LIN28B: variants seen among roughly 807,000 people sequenced by gnomAD.
LIN28B encodes the protein lin-28 RNA binding posttranscriptional regulator B, also known as protein lin-28 homolog B.
A neutral mutation model predicts 21.9 loss-of-function variants in LIN28B; 5 were observed. That is an observed-to-expected ratio of 0.23 (90% confidence interval 0.12 to 0.48). The LOEUF is 0.48. Among genes scored for constraint, LIN28B ranks in the 20% least tolerant of loss-of-function variants. LIN28B has a pLI of 0.98. For missense variants in LIN28B, 245 were observed against 310.5 expected, an observed-to-expected ratio of 0.79 and a Z score of 1.58; for synonymous variants, 109 against 111.3, an observed-to-expected ratio of 0.98 and a Z score of 0.13.
intron 2 of LIN28B, among the ~76,000 whole-genome samples, chr6:104,998,716 T>C (rs1450052271): frequency 6.6e-6 from 1 of 152,186 alleles, no homozygotes; most frequent in Non-Finnish European, 1.5e-5. Context: ...TGAAATATTT[T>C]ATTCCAAATA....
chr6:105,001,142 A>G (rs1770711172), intron 2 of LIN28B, among the ~76,000 whole-genome samples: 1 of 152,202 alleles, frequency 6.6e-6, no homozygotes, highest in African/African-American at 2.4e-5. Flanking sequence ...GGTTGATCAG[A>G]TGCCCTTTCT....
chr6:105,001,473 A>C (rs1770719363), intron 2 of LIN28B, among the ~76,000 whole-genome samples: 1 of 152,240 alleles, frequency 6.6e-6, no homozygotes, highest in Non-Finnish European at 1.5e-5. Flanking sequence ...AGAAATCAAG[A>C]GTGCATTTGG....
At chr6:104,944,323 A>T (rs902607211) in intron 2 of LIN28B, among the ~76,000 whole-genome samples, 1 of 151,984 alleles carries the variant, frequency 6.6e-6, no homozygotes, top group African/African-American at 2.4e-5. Context: ...GATTTTAAAA[A>T]CCCGTTTAAG....
At chr6:104,998,153 C>A (rs751276079) in intron 2 of LIN28B, among the ~76,000 whole-genome samples, 26 of 152,130 alleles carry the variant, frequency 1.7e-4, no homozygotes, top group Non-Finnish European at 3.2e-4. Context: ...ATACCTAATT[C>A]AAGACCCATG....
chr6:105,031,845 A>T (rs545632742), intron 3 of LIN28B, among the ~76,000 whole-genome samples: 3 of 152,122 alleles, frequency 2.0e-5, no homozygotes, highest in Non-Finnish European at 2.9e-5. Context: ...ATGAATTTTA[A>T]CACACATATA....
intron 3 of LIN28B, among the ~76,000 whole-genome samples, chr6:104,951,551 A>G (rs1244773433): frequency 6.6e-6 from 1 of 151,850 alleles, no homozygotes; most frequent in African/African-American, 2.4e-5. Context: ...TCCCCTTATT[A>G]TCGACTGTGG....
intron 2 of LIN28B, among the ~76,000 whole-genome samples, chr6:104,984,108 C>T (rs1042702487): frequency 1.3e-5 from 2 of 152,130 alleles, no homozygotes; most frequent in Non-Finnish European, 2.9e-5. Flanking sequence ...GAAGACCACA[C>T]CTTTTATTCT....
rs566341036 is a variant in LIN28B at position 105,065,305 on chromosome 6, A to G, written c.384-13109A>G. 3.0e-4 allele frequency among the ~76,000 whole-genome samples: 45 copies of G among 152,364 alleles called. 2 individuals carry two copies. In the South Asian group the frequency reaches 7.2e-3, roughly 25 times the overall value. On this transcript the variant is annotated intron_variant, in intron 3 of 3. Coordinates refer to ENST00000345080, the MANE Select transcript of LIN28B (RefSeq NM_001004317.4). ...AAGTAGCCATGAGGCCAAGAACACC[A>G]TACAAGACTTTATCTTGAGCTCTAA... is the stretch of plus-strand genomic sequence containing the variant.
chr6:105,009,159 C>T (rs2114305163), intron 2 of LIN28B, among the ~76,000 whole-genome samples: 1 of 152,116 alleles, frequency 6.6e-6, no homozygotes, highest in South Asian at 2.1e-4. Context: ...GCACTGAAAG[C>T]TACCAGTAGA....
upstream of LIN28B, among the ~76,000 whole-genome samples, chr6:104,954,125 A>C (rs184983129): frequency 1.3e-5 from 2 of 152,194 alleles, no homozygotes; most frequent in Admixed American, 1.3e-4. Flanking sequence ...TGAAAGAACT[A>C]TAAGTCAAGC....
At chr6:104,950,066 AAGTT>A (rs1582858557) in intron 2 of LIN28B, among the ~76,000 whole-genome samples, 1 of 152,164 alleles carries the variant, frequency 6.6e-6, no homozygotes, top group South Asian at 2.1e-4. Context: ...ATAGTCAAAG[AAGTT>A]AGTTCTTCAA....
chr6:105,077,691 A>AC (rs777506964), intron 3 of LIN28B, among the ~76,000 whole-genome samples: 1 of 152,286 alleles, frequency 6.6e-6, no homozygotes, highest in East Asian at 1.9e-4. Context: ...ACTAGCATGA[A>AC]CCTTTATTAA....
chr6:105,051,211 C>T (rs771710069), intron 3 of LIN28B, among the ~76,000 whole-genome samples: 5 of 151,518 alleles, frequency 3.3e-5, no homozygotes, highest in South Asian at 2.1e-4. Flanking sequence ...GAGGCCGAGT[C>T]GGGTGGATCA....
chr6:104,966,853 C>T (rs934314978), intron 2 of LIN28B, among the ~76,000 whole-genome samples: 10 of 152,178 alleles, frequency 6.6e-5, no homozygotes, highest in South Asian at 4.1e-4. Context: ...AATCTCCTGA[C>T]GTTGTGATCC....
At chr6:104,970,270 T>C (rs144578881) in intron 2 of LIN28B, among the ~76,000 whole-genome samples, 92 of 152,314 alleles carry the variant, frequency 6.0e-4, no homozygotes, top group African/African-American at 2.2e-3. Flanking sequence ...AAGATTAATC[T>C]TAATTCAGTA....
intron 3 of LIN28B, among the ~76,000 whole-genome samples, chr6:105,040,179 A>G (rs1265299219): frequency 1.3e-5 from 2 of 152,184 alleles, no homozygotes; most frequent in Middle Eastern, 3.2e-3. Flanking sequence ...TTACATCTAT[A>G]GATTTTATGA....
intron 3 of LIN28B, chr6:105,057,953 C>T (rs538358566): frequency 4.6e-4 from 113 of 244,208 alleles, no homozygotes; most frequent in Admixed American, 3.1e-3. Flanking sequence ...AATATCTGAA[C>T]GTTTTGGATC....
intron 2 of LIN28B, among the ~76,000 whole-genome samples, chr6:105,004,320 A>G (rs1278712348): frequency 6.6e-6 from 1 of 152,230 alleles, no homozygotes; most frequent in African/African-American, 2.4e-5. Context: ...GTTGACACTC[A>G]GTATTAACTA....
intron 3 of LIN28B, among the ~76,000 whole-genome samples, chr6:105,043,509 T>C (rs1387857239): frequency 6.6e-6 from 1 of 151,690 alleles, no homozygotes; most frequent in African/African-American, 2.4e-5. Flanking sequence ...TTCCTCCTTT[T>C]ATTTTTATAA....
Sources: gnomAD v4.1 joint callset for allele counts (sites outside exome capture counted in the v4.1 genomes callset) on GRCh38, gnomAD v4.1.1 for gene constraint, MANE v1.5 for transcripts, NCBI Gene and HGNC (gene_info 2026-07-23, HGNC 2026-07-21) for gene names.